EPHA6: variants seen among roughly 807,000 people sequenced by gnomAD.
The protein encoded by EPHA6 is ephrin type-A receptor 6.
A neutral mutation model predicts 112.0 loss-of-function variants in EPHA6; 50 were observed. The observed-to-expected ratio is 0.45, with a 90% confidence interval of 0.36 to 0.56. The LOEUF (loss-of-function observed/expected upper bound fraction) is 0.56. Ranked by LOEUF, EPHA6 falls within the 20% of genes least tolerant of loss-of-function variation. The probability of loss-of-function intolerance (pLI) is 0.00; values close to 1 mark genes in which losing one functional copy is unlikely to be tolerated. For missense variants in EPHA6, 1,280 were observed against 1,417.4 expected, an observed-to-expected ratio of 0.90 and a Z score of 1.56; for synonymous variants, 529 against 490.7, an observed-to-expected ratio of 1.08 and a Z score of -1.03.
chr3:97,677,593 C>T (rs574112919), intron 14 of EPHA6, among the ~76,000 whole-genome samples: 2 of 151,938 alleles, frequency 1.3e-5, no homozygotes, highest in African/African-American at 2.4e-5. Flanking sequence ...TGGTGGCAGG[C>T]GCCTGTAATC....
chr3:97,596,132 A>C (rs1045788662), intron 12 of EPHA6, among the ~76,000 whole-genome samples: 3 of 151,416 alleles, frequency 2.0e-5, no homozygotes, highest in African/African-American at 4.8e-5. Flanking sequence ...GTCTCGATCT[A>C]CTGACCTCAT....
At chr3:96,842,095 C>G (rs949421081) in intron 1 of EPHA6, among the ~76,000 whole-genome samples, 2 of 152,014 alleles carry the variant, frequency 1.3e-5, no homozygotes, top group African/African-American at 4.8e-5. Context: ...GAGGCAGCCT[C>G]CCATCCATCT....
In EPHA6 at chr3:97,442,414, C is replaced by T. The variant is rs552680241; in HGVS notation, c.1732-6154C>T. On this transcript the variant is annotated intron_variant, in intron 6 of 17. Coordinates refer to ENST00000389672, the MANE Select transcript of EPHA6 (RefSeq NM_001080448.3). ...CAGCCTGGCCAACATGGTGAAACCC[C>T]GTTTCTACTAAAAATACAAAAATTA... Among the ~76,000 whole-genome samples, 11 of 152,152 alleles carry T rather than the reference C, an allele frequency of 7.2e-5. No individual in the cohort carries two copies. The South Asian group carries it at 1.2e-3, about 17-fold the overall frequency.
chr3:97,708,927 C>T (rs2033819532), intron 14 of EPHA6, among the ~76,000 whole-genome samples: 1 of 152,152 alleles, frequency 6.6e-6, no homozygotes, highest in Admixed American at 6.5e-5. Flanking sequence ...TTGGGGGCAT[C>T]TACCTAGATT....
At chr3:97,244,368 T>C (rs2078928934) in intron 5 of EPHA6, 81 bp downstream of exon 5, 1 of 1,218,404 alleles carries the variant, frequency 8.2e-7, no homozygotes, top group Non-Finnish European at 1.2e-6. Context: ...ATGTATTTAT[T>C]GCAGGTGCTA....
chr3:97,638,006 A>G lies in EPHA6; in HGVS notation c.2708A>G (p.Asn903Ser). The change falls in exon 14 of 18, where the codon AAC becomes AGC. Residue 903 changes from asparagine (N) to serine (S), a missense_variant. This residue lies in a region of EPHA6 where 878 missense variants were observed against 999.7 expected (regional missense o/e 0.88). Coordinates refer to ENST00000389672, the MANE Select transcript of EPHA6 (RefSeq NM_001080448.3). The part of the protein sequence containing the change: ...LAARNILVNS[N>S]LVCKVSDFGL... The stretch of plus-strand genomic sequence containing the variant: ...GCTCGGAATATACTGGTCAATAGCA[A>G]CTTAGTATGCAAAGTTTCTGATTTT... The G allele has an allele frequency of 6.2e-7, 1 of 1,613,986 alleles. No individual in the cohort carries two copies. Among genetic ancestry groups the G allele is most frequent in the Non-Finnish European group, 8.5e-7 (1 of 1,179,854 alleles).
At chr3:97,590,064 T>C (rs1170982362) in intron 11 of EPHA6, among the ~76,000 whole-genome samples, 1 of 152,180 alleles carries the variant, frequency 6.6e-6, no homozygotes, top group African/African-American at 2.4e-5. Flanking sequence ...CCTGAATAAA[T>C]TGTGAAAGCT....
intron 3 of EPHA6, among the ~76,000 whole-genome samples, chr3:97,017,864 T>G (rs2044316345): frequency 6.6e-6 from 1 of 152,142 alleles, no homozygotes; most frequent in South Asian, 2.1e-4. Flanking sequence ...GTTATCCCTT[T>G]GAATAAACTT....
chr3:97,225,620 A>T (rs1399830959), intron 3 of EPHA6, among the ~76,000 whole-genome samples: 3 of 152,164 alleles, frequency 2.0e-5, no homozygotes, highest in Non-Finnish European at 4.4e-5. Flanking sequence ...ATTGATGTTG[A>T]TATTGAATAA....
At chr3:97,491,618 CTTTT>C (rs5851067) in intron 10 of EPHA6, among the ~76,000 whole-genome samples, 7,792 of 139,732 alleles carry the variant, frequency 0.056, 596 homozygotes, top group African/African-American at 0.18. Context: ...TAAGGGTATG[CTTTT>C]TTTTTTTTTT....
Position 97,226,329 on chromosome 3 carries a change from A to G in EPHA6, c.1180A>G (p.Ser394Gly). The G allele has an allele frequency of 1.2e-6, 2 of 1,613,802 alleles. No individual in the cohort carries two copies. Among genetic ancestry groups the G allele is most frequent in the Non-Finnish European group, 1.7e-6 (2 of 1,179,760 alleles). The change falls in exon 4 of 18, where the codon AGT becomes GGT. Residue 394 changes from serine to glycine, a missense_variant. Ser to Gly is a moderately conservative substitution (Grantham distance 56). Around this residue, in one of 4 missense-constraint regions of EPHA6, gnomAD observed 878 missense variants for 999.7 expected, o/e 0.88. Transcript: ENST00000389672. ...NTKCSKCPPH[S>G]LTYMEATSVC... The stretch of plus-strand genomic sequence containing the variant: ...AAAATGTTCTAAATGTCCTCCACAC[A>G]GTTTAACATACATGGAAGCAACTTC...
intron 7 of EPHA6, among the ~76,000 whole-genome samples, chr3:97,460,380 G>A (rs2090847580): frequency 6.6e-6 from 1 of 152,174 alleles, no homozygotes; most frequent in South Asian, 2.1e-4. Flanking sequence ...TCATTTGTAT[G>A]TAGAGTCATT....
intron 5 of EPHA6, among the ~76,000 whole-genome samples, chr3:97,331,526 G>T (rs925267756): frequency 2.0e-5 from 3 of 151,628 alleles, no homozygotes; most frequent in African/African-American, 7.3e-5. Flanking sequence ...AAAGAGAGAA[G>T]AATCAAATAG....
At chr3:97,639,313 T>C (rs1357793883) in intron 14 of EPHA6, among the ~76,000 whole-genome samples, 1 of 152,020 alleles carries the variant, frequency 6.6e-6, no homozygotes, top group African/African-American at 2.4e-5. Context: ...ATTTTTAAAT[T>C]GGAAAATATC....
At chr3:97,746,432 T>G (rs1308085261) in intron 16 of EPHA6, among the ~76,000 whole-genome samples, 1 of 151,778 alleles carries the variant, frequency 6.6e-6, no homozygotes, top group Non-Finnish European at 1.5e-5. Flanking sequence ...TTTTAATGTG[T>G]ATTTTTATGT....
intron 3 of EPHA6, among the ~76,000 whole-genome samples, chr3:97,171,624 G>A (rs2076703907): frequency 2.0e-5 from 3 of 152,062 alleles, no homozygotes; most frequent in African/African-American, 7.2e-5. Flanking sequence ...AAGTTATTGG[G>A]AGAATGATAG....
intron 6 of EPHA6, among the ~76,000 whole-genome samples, chr3:97,430,356 A>G (rs536127191): frequency 3.3e-5 from 5 of 152,144 alleles, no homozygotes; most frequent in Non-Finnish European, 7.4e-5. Flanking sequence ...TTAAATACCT[A>G]GAAGTGATTT....
intron 14 of EPHA6, 82 bp from the exon 15 acceptor site, chr3:97,720,179 A>G (rs190972029): frequency 6.0e-4 from 750 of 1,250,476 alleles, no homozygotes; most frequent in Admixed American, 1.5e-3. Context: ...AGATCTTTCT[A>G]ATAAAAAATA....
chr3:97,425,837 C>G (rs745955468), intron 6 of EPHA6, among the ~76,000 whole-genome samples: 4 of 152,166 alleles, frequency 2.6e-5, no homozygotes, highest in Non-Finnish European at 4.4e-5. Flanking sequence ...TCTAAATCAT[C>G]TCTCTCAAGT....
Sources: gnomAD v4.1 joint callset for allele counts (sites outside exome capture counted in the v4.1 genomes callset) on GRCh38, gnomAD v4.1.1 for gene constraint, gnomAD v4.1.1 regional missense constraint, MANE v1.5 for transcripts, NCBI Gene and HGNC (gene_info 2026-07-23, HGNC 2026-07-21) for gene names.